Variants in ZNF821 observed in about 807,000 individuals in gnomAD.
The protein encoded by ZNF821 is zinc finger protein 821.
Under a neutral mutation model 44.3 loss-of-function variants are expected in ZNF821, and 16 were observed. The observed-to-expected ratio is 0.36, with a 90% confidence interval of 0.24 to 0.55. The LOEUF is 0.55. Among genes scored for constraint, ZNF821 ranks in the 20% least tolerant of loss-of-function variants. ZNF821 has a pLI of 0.86. For missense variants in ZNF821, 436 were observed against 547.6 expected (o/e 0.80, Z 2.03); for synonymous variants, 204 against 197.6 (o/e 1.03, Z -0.27).
intron 6 of ZNF821, among the ~76,000 whole-genome samples, chr16:71,862,468 C>T (rs929544509): frequency 6.6e-6 from 1 of 152,108 alleles, no homozygotes; most frequent in South Asian, 2.1e-4. Flanking sequence ...CAGCGAAATT[C>T]TGTCTCAAAA....
upstream of ZNF821, among the ~76,000 whole-genome samples, chr16:71,887,356 T>G (rs1292126157): frequency 6.7e-6 from 1 of 150,206 alleles, no homozygotes. Context: ...ACCTCCTGAG[T>G]TCACGCCATT....
intron 3 of ZNF821, among the ~76,000 whole-genome samples, chr16:71,877,804 C>T (rs999088160): frequency 1.3e-5 from 2 of 151,176 alleles, no homozygotes; most frequent in African/African-American, 4.9e-5. Context: ...CCTGTAGTCC[C>T]AGCTACTCGG....
At chr16:71,867,866 T>A (rs1437012631) in intron 4 of ZNF821, 46 bp downstream of exon 4, 3 of 1,529,094 alleles carry the variant, frequency 2.0e-6, no homozygotes, top group East Asian at 2.5e-5. Flanking sequence ...CTCTGATAAT[T>A]CTTCTCCCAT....
chr16:71,893,596 A>C (rs539330577), intron 1 of ZNF821, among the ~76,000 whole-genome samples: 20 of 151,080 alleles, frequency 1.3e-4, no homozygotes, highest in African/African-American at 4.9e-4. Context: ...AGTAGCTGGG[A>C]TTACAGGTGT....
chr16:71,870,143 A>G (rs1257154296), intron 3 of ZNF821, among the ~76,000 whole-genome samples: 1 of 152,206 alleles, frequency 6.6e-6, no homozygotes, highest in Non-Finnish European at 1.5e-5. Flanking sequence ...TATGATCAAA[A>G]GACAAATGAT....
At chr16:71,871,570 AG>A (rs2035197234) in intron 3 of ZNF821, among the ~76,000 whole-genome samples, 1 of 152,218 alleles carries the variant, frequency 6.6e-6, no homozygotes, top group Admixed American at 6.5e-5. Context: ...CTAGTGATTA[AG>A]AAGTGTTACA....
chr16:71,895,014 C>T, exon 1 of ZNF821: 3 of 560,450 alleles, frequency 5.4e-6, no homozygotes, highest in Non-Finnish European at 9.4e-6. Flanking sequence ...GGCGGGGGAA[C>T]GCTTAGAGCC....
upstream of ZNF821, among the ~76,000 whole-genome samples, chr16:71,887,259 C>CTTTTTTT (rs60449301): frequency 8.0e-6 from 1 of 124,878 alleles, no homozygotes; most frequent in African/African-American, 3.0e-5. Context: ...TATATTCAAC[C>CTTTTTTT]TTTTTTTTTT....
At chr16:71,874,075 T>C (rs536783074) in intron 3 of ZNF821, among the ~76,000 whole-genome samples, 2 of 151,630 alleles carry the variant, frequency 1.3e-5, no homozygotes, top group South Asian at 2.1e-4. Flanking sequence ...TTTCCTGCCT[T>C]AGCCTCCCGA....
chr16:71,884,246 C>T (rs897687047), upstream of ZNF821: 6 of 152,022 alleles, frequency 3.9e-5, no homozygotes, highest in African/African-American at 1.4e-4. Context: ...GCCAGGTCCC[C>T]TTCCCCGCGG....
At chr16:71,878,990 T>C (rs2036149824) in intron 3 of ZNF821, among the ~76,000 whole-genome samples, 1 of 151,816 alleles carries the variant, frequency 6.6e-6, no homozygotes, top group Admixed American at 6.6e-5. Context: ...AAGGTAATAG[T>C]GTATACTTGG....
chr16:71,895,039 G>C, exon 1 of ZNF821: 3 of 499,724 alleles, frequency 6.0e-6, no homozygotes, highest in South Asian at 2.4e-5. Flanking sequence ...GAGGGACACG[G>C]AGGCGCTGGG....
At chr16:71,868,414 C>G (rs1356833250) in intron 3 of ZNF821, among the ~76,000 whole-genome samples, 1 of 152,198 alleles carries the variant, frequency 6.6e-6, no homozygotes, top group African/African-American at 2.4e-5. Context: ...GGCAACAAAT[C>G]TGGGCCAAGT....
chr16:71,877,060 T>C (rs2035899908), intron 3 of ZNF821, among the ~76,000 whole-genome samples: 1 of 152,178 alleles, frequency 6.6e-6, no homozygotes, highest in Non-Finnish European at 1.5e-5. Context: ...CCTAGAAGCA[T>C]CCAACTCGTT....
At chr16:71,888,350 C>T (rs943920360), upstream of ZNF821, among the ~76,000 whole-genome samples, 7 of 151,972 alleles carry the variant, frequency 4.6e-5, no homozygotes, top group East Asian at 1.9e-4. Context: ...AAACTATCAC[C>T]GCCTAGTCAT....
In ZNF821 at chr16:71,880,037, G is replaced by A. The variant is rs557504138; in HGVS notation, c.-77-14C>T. 2 of 1,286,818 alleles carry A rather than the reference G, an allele frequency of 1.6e-6. No homozygotes were observed. Among genetic ancestry groups the A allele is most frequent in the Admixed American group, 4.4e-5 (2 of 45,424 alleles). 79.7% of individuals were successfully genotyped at this position (1,286,818 alleles called of 1,614,324 possible). A position where few individuals can be genotyped will look rare whatever the true frequency, so the allele number is the denominator to read the frequency against. ...CAAGATGCTAACCTGCAATAAAAAA[G>A]GTTATTGTTAGCACATGTCATTTTC... On this transcript the variant is annotated splice_polypyrimidine_tract_variant and intron_variant, in intron 2 of 7. Transcript: ENST00000425432.
At chr16:71,887,360 C>T (rs558766698), upstream of ZNF821, among the ~76,000 whole-genome samples, 6 of 150,176 alleles carry the variant, frequency 4.0e-5, no homozygotes, top group Admixed American at 2.0e-4. Flanking sequence ...CCTGAGTTCA[C>T]GCCATTCTCC....
At chr16:71,887,051 G>A (rs948809750), upstream of ZNF821, among the ~76,000 whole-genome samples, 2 of 152,096 alleles carry the variant, frequency 1.3e-5, no homozygotes, top group Admixed American at 6.6e-5. Flanking sequence ...ATATTCTGTT[G>A]TATGGATATG....
chr16:71,885,044 C>CG, upstream of ZNF821, among the ~76,000 whole-genome samples: 1 of 152,144 alleles, frequency 6.6e-6, no homozygotes, highest in African/African-American at 2.4e-5. Flanking sequence ...TTTTAGTAGA[C>CG]GGGGTTTCAC....
Sources: allele counts gnomAD v4.1 joint callset (sites outside exome capture counted in the v4.1 genomes callset), GRCh38; gene constraint gnomAD v4.1.1; transcripts MANE v1.5; gene names NCBI Gene and HGNC (gene_info 2026-07-23, HGNC 2026-07-21).